The following GSDMC variants were observed in gnomAD, a reference collection of about 807,000 sequenced individuals.
GSDMC encodes gasdermin C.
A neutral mutation model predicts 58.0 loss-of-function variants in GSDMC; 59 were observed. The ratio of observed to expected loss-of-function variants is 1.02; its 90% CI spans 0.82 to 1.26. The LOEUF (loss-of-function observed/expected upper bound fraction) is 1.26, where lower values mean the gene tolerates loss of function less well. GSDMC is among the 50% of genes most tolerant of loss of function. The pLI, the probability that GSDMC is intolerant of heterozygous loss-of-function variation, is 0.00. For missense variants in GSDMC, 659 were observed against 598.5 expected (o/e 1.10, Z -1.06); for synonymous variants, 241 against 220.2 (o/e 1.09, Z -0.83).
the GSDMC span, among the ~76,000 whole-genome samples, chr8:129,740,190 TAA>T: frequency 5.9e-5 from 9 of 152,268 alleles, no homozygotes; most frequent in Admixed American, 2.0e-4. Flanking sequence ...TGCAAAAAAA[TAA>T]AAAGTTTATA....
downstream of GSDMC, among the ~76,000 whole-genome samples, chr8:129,744,521 C>G (rs2032924662): frequency 6.6e-6 from 1 of 152,108 alleles, no homozygotes. Flanking sequence ...AATGCAGATC[C>G]AACATAATGG....
chr8:129,757,975 A>C (rs2033508052), intron 6 of GSDMC, among the ~76,000 whole-genome samples: 1 of 152,098 alleles, frequency 6.6e-6, no homozygotes, highest in African/African-American at 2.4e-5. Flanking sequence ...CTGAGCAACA[A>C]AGTAAAACCC....
the GSDMC span, chr8:129,729,029 A>G: frequency 1.5e-6 from 1 of 647,030 alleles, no homozygotes; most frequent in Non-Finnish European, 3.0e-6. Context: ...ATTTAAGGAA[A>G]TGTGCAGAGA....
the GSDMC span, among the ~76,000 whole-genome samples, chr8:129,712,161 G>T: frequency 2.0e-5 from 3 of 152,146 alleles, no homozygotes; most frequent in African/African-American, 7.2e-5. Flanking sequence ...GGCTTTGGGG[G>T]ATAGAATGCA....
At chr8:129,755,893 A>C (rs2033409442) in intron 6 of GSDMC, among the ~76,000 whole-genome samples, 1 of 151,954 alleles carries the variant, frequency 6.6e-6, no homozygotes, top group African/African-American at 2.4e-5. Flanking sequence ...AAAAAGCAAA[A>C]AAAAAAACAC....
intron 3 of GSDMC, among the ~76,000 whole-genome samples, chr8:129,768,739 T>A (rs2033950762): frequency 6.6e-6 from 1 of 152,040 alleles, no homozygotes; most frequent in Non-Finnish European, 1.5e-5. Context: ...AAAAAAATAT[T>A]CTCCAGAAAC....
rs2034549886 is a variant in GSDMC, at chr8:129,786,152, G to T, written c.-146C>A. On this transcript the variant is annotated 5_prime_UTR_variant, in exon 1 of 14. Transcript: ENST00000276708. ...GTTCAAGATCAGCCAGGCCAAGATG[G>T]TGAAACCCTGTCTCTACTGAAAATA... 6.6e-6 allele frequency: 1 copy of T among 152,062 alleles called. No individual in the cohort carries two copies. Among genetic ancestry groups the T allele is most frequent in the Non-Finnish European group, 1.5e-5 (1 of 68,086 alleles). 9.4% of individuals were successfully genotyped at this position (152,062 alleles called of 1,614,324 possible).
chr8:129,762,580 C>G, intron 5 of GSDMC, 46 bp downstream of exon 5: 7 of 1,097,262 alleles, frequency 6.4e-6, no homozygotes, highest in Non-Finnish European at 9.9e-6. Flanking sequence ...GAGAAGCAGA[C>G]ACCCCCTCCA....
the GSDMC span, among the ~76,000 whole-genome samples, chr8:129,715,408 C>A: frequency 6.6e-6 from 1 of 151,900 alleles, no homozygotes; most frequent in Non-Finnish European, 1.5e-5. Context: ...ATTAGAGTCC[C>A]TAAATGAGAG....
the GSDMC span, among the ~76,000 whole-genome samples, chr8:129,724,991 A>G: frequency 3.3e-5 from 5 of 152,198 alleles, no homozygotes; most frequent in Non-Finnish European, 7.4e-5. Context: ...GCAATATCAT[A>G]AAAGGAATTT....
chr8:129,741,223 AC>A, the GSDMC span, among the ~76,000 whole-genome samples: 1 of 152,110 alleles, frequency 6.6e-6, no homozygotes, highest in African/African-American at 2.4e-5. Flanking sequence ...TAATGCCAGT[AC>A]CATGTTGTTT....
the GSDMC span, among the ~76,000 whole-genome samples, chr8:129,710,336 T>A: frequency 6.6e-6 from 1 of 152,320 alleles, no homozygotes; most frequent in African/African-American, 2.4e-5. Flanking sequence ...CTGAATTAAG[T>A]AGACCTGCCG....
At chr8:129,720,938 GT>G in the GSDMC span, among the ~76,000 whole-genome samples, 1 of 152,192 alleles carries the variant, frequency 6.6e-6, no homozygotes, top group Non-Finnish European at 1.5e-5. Flanking sequence ...CCAACCTCAG[GT>G]GCACAAGATG....
the GSDMC span, among the ~76,000 whole-genome samples, chr8:129,741,423 A>G: frequency 6.6e-5 from 10 of 152,206 alleles, no homozygotes; most frequent in East Asian, 1.5e-3. Context: ...TCTGTAGATC[A>G]CTTTGGGTAG....
chr8:129,728,839 C>T, the GSDMC span: 2 of 596,308 alleles, frequency 3.4e-6, no homozygotes, highest in East Asian at 3.3e-5. Flanking sequence ...TGAGGTAGCC[C>T]GCTGCTGGAG....
At chr8:129,737,497 A>G in the GSDMC span, among the ~76,000 whole-genome samples, 1 of 152,314 alleles carries the variant, frequency 6.6e-6, no homozygotes, top group South Asian at 2.1e-4. Context: ...CACATCTACA[A>G]CCTTCTGATC....
chr8:129,722,252 A>G, the GSDMC span, among the ~76,000 whole-genome samples: 1 of 152,176 alleles, frequency 6.6e-6, no homozygotes, highest in Non-Finnish European at 1.5e-5. Context: ...CAAGTGTGAA[A>G]AATTTCAGAG....
chr8:129,743,497 T>C (rs2032906134), downstream of GSDMC, among the ~76,000 whole-genome samples: 1 of 152,210 alleles, frequency 6.6e-6, no homozygotes, highest in African/African-American at 2.4e-5. Context: ...ATATTTATAA[T>C]AAGCTGTTTT....
intron 7 of GSDMC, 54 bp downstream of exon 7, chr8:129,752,644 G>T: frequency 1.3e-6 from 2 of 1,598,808 alleles, no homozygotes; most frequent in South Asian, 1.1e-5. Flanking sequence ...ACAACTATCT[G>T]CACAAAGAAA....
Sources: allele counts gnomAD v4.1 joint callset (sites outside exome capture counted in the v4.1 genomes callset), GRCh38; gene constraint gnomAD v4.1.1; transcripts MANE v1.5; gene names NCBI Gene and HGNC (gene_info 2026-07-23, HGNC 2026-07-21).